The following KAZN variants were observed in gnomAD, a reference collection of about 807,000 sequenced individuals.
KAZN encodes kazrin, periplakin interacting protein.
Under a neutral mutation model 87.4 loss-of-function variants are expected in KAZN, and 40 were observed. That is an observed-to-expected ratio of 0.46 (90% CI 0.36 to 0.60). KAZN has a LOEUF of 0.60. Among genes scored for constraint, KAZN ranks in the 20% least tolerant of loss-of-function variants. The pLI is 0.00. For synonymous variants in KAZN, 466 were observed against 458.3 expected, an observed-to-expected ratio of 1.02 and a Z score of -0.22; for missense variants, 898 against 1,073.9, an observed-to-expected ratio of 0.84 and a Z score of 2.29.
chr1:14,165,461 C>T (rs569731572), intron 1 of KAZN, among the ~76,000 whole-genome samples: 88 of 152,248 alleles, frequency 5.8e-4, no homozygotes, highest in African/African-American at 2.0e-3. Flanking sequence ...AGCCTCCTGT[C>T]CGTGGCTCAC....
intron 1 of KAZN, among the ~76,000 whole-genome samples, chr1:13,962,228 A>G (rs1267099125): frequency 6.6e-6 from 1 of 152,120 alleles, no homozygotes; most frequent in Non-Finnish European, 1.5e-5. Flanking sequence ...GTGAGGAGGC[A>G]GATGTGGCTA....
At chr1:15,053,960 A>G (rs1043968893) in intron 4 of KAZN, among the ~76,000 whole-genome samples, 3 of 152,188 alleles carry the variant, frequency 2.0e-5, no homozygotes, top group African/African-American at 7.2e-5. Flanking sequence ...AGGAGCCCTG[A>G]AGATCACTTG....
At chr1:14,201,567 T>C (rs927163196) in intron 2 of KAZN, among the ~76,000 whole-genome samples, 5 of 152,222 alleles carry the variant, frequency 3.3e-5, no homozygotes, top group Non-Finnish European at 7.3e-5. Flanking sequence ...GTATGGACTC[T>C]GCAGACAAAG....
intron 1 of KAZN, among the ~76,000 whole-genome samples, chr1:14,048,471 T>A (rs1439237560): frequency 1.3e-5 from 2 of 151,968 alleles, no homozygotes; most frequent in Admixed American, 6.6e-5. Flanking sequence ...TGGAGCGATC[T>A]TGGCTCACTG....
intron 2 of KAZN, among the ~76,000 whole-genome samples, chr1:14,253,754 G>A (rs1367187081): frequency 2.6e-5 from 4 of 152,032 alleles, no homozygotes; most frequent in African/African-American, 9.7e-5. Flanking sequence ...AGACTGCTAA[G>A]AGAGAGCTCT....
chr1:14,518,108 C>T (rs770590848), intron 2 of KAZN, among the ~76,000 whole-genome samples: 25 of 150,474 alleles, frequency 1.7e-4, no homozygotes, highest in Admixed American at 2.7e-4. Flanking sequence ...TGGCCTTTCA[C>T]GTTAAATGGG....
At chr1:15,111,504 C>A (rs900442963) in intron 13 of KAZN, among the ~76,000 whole-genome samples, 11 of 152,156 alleles carry the variant, frequency 7.2e-5, no homozygotes, top group Non-Finnish European at 1.2e-4. Flanking sequence ...TCTCGAACTC[C>A]TGGCCTCAAG....
intron 14 of KAZN, chr1:15,113,192 TAAG>T (rs1173737527): frequency 6.6e-6 from 1 of 152,274 alleles, no homozygotes; most frequent in South Asian, 2.1e-4. Flanking sequence ...ACTTTACCCT[TAAG>T]AAGCTCCATT....
intron 1 of KAZN, among the ~76,000 whole-genome samples, chr1:14,819,453 T>C (rs1422876006): frequency 1.3e-5 from 2 of 152,140 alleles, no homozygotes; most frequent in African/African-American, 4.8e-5. Flanking sequence ...AGGACCGTTG[T>C]TCTTATGGGT....
intron 8 of KAZN, among the ~76,000 whole-genome samples, chr1:15,087,542 A>G (rs551680539): frequency 2.5e-4 from 38 of 152,044 alleles, no homozygotes; most frequent in African/African-American, 8.9e-4. Flanking sequence ...ACAGGCATGC[A>G]CCACCATGCC....
At chr1:14,401,367 A>G (rs975789745) in intron 2 of KAZN, among the ~76,000 whole-genome samples, 1 of 151,866 alleles carries the variant, frequency 6.6e-6, no homozygotes, top group Non-Finnish European at 1.5e-5. Flanking sequence ...AACTGCTGAT[A>G]TAAGGATTAT....
chr1:14,278,569 C>T (rs547116752), intron 2 of KAZN, among the ~76,000 whole-genome samples: 13 of 152,214 alleles, frequency 8.5e-5, no homozygotes, highest in Non-Finnish European at 1.5e-4. Flanking sequence ...GGATTACAGG[C>T]ATGAGCCACC....
intron 1 of KAZN, among the ~76,000 whole-genome samples, chr1:14,761,722 G>A (rs1297406149): frequency 6.6e-6 from 1 of 152,102 alleles, no homozygotes; most frequent in African/African-American, 2.4e-5. Flanking sequence ...AGGGGGATTT[G>A]CCTGAGCAAC....
intron 2 of KAZN, among the ~76,000 whole-genome samples, chr1:14,333,074 C>A (rs1054366358): frequency 2.6e-5 from 4 of 151,990 alleles, no homozygotes; most frequent in African/African-American, 9.7e-5. Flanking sequence ...GTGTGATGTT[C>A]CCCTCCCTGT....
chr1:14,394,401 TAGAA>T (rs1662716913), intron 2 of KAZN, among the ~76,000 whole-genome samples: 1 of 152,140 alleles, frequency 6.6e-6, no homozygotes, highest in Non-Finnish European at 1.5e-5. Flanking sequence ...GGGATGGGGG[TAGAA>T]AGAGTCACCT....
chr1:14,507,981 A>AAT, intron 2 of KAZN, among the ~76,000 whole-genome samples: 1 of 99,508 alleles, frequency 1.0e-5, no homozygotes, highest in Non-Finnish European at 2.2e-5. Context: ...AAATAAATAA[A>AAT]AAAAAAAAAA....
intron 1 of KAZN, among the ~76,000 whole-genome samples, chr1:14,019,273 C>T (rs1640714834): frequency 6.6e-6 from 1 of 152,104 alleles, no homozygotes; most frequent in Admixed American, 6.5e-5. Flanking sequence ...ATGAGAACCA[C>T]ACACTCAATT....
intron 1 of KAZN, among the ~76,000 whole-genome samples, chr1:14,915,599 CCT>C (rs1427891839): frequency 1.3e-5 from 2 of 152,202 alleles, no homozygotes; most frequent in Non-Finnish European, 1.5e-5. Context: ...CTGAGTCCCC[CCT>C]CTTTATGAAG....
intron 2 of KAZN, among the ~76,000 whole-genome samples, chr1:14,579,347 T>C (rs1317249): frequency 0.92 from 140,779 of 152,240 alleles, 66,105 homozygotes; most frequent in East Asian, 1. Flanking sequence ...CTGAGTAGTC[T>C]GGGCGTGGTG....
Sources: gnomAD v4.1 joint callset for allele counts (sites outside exome capture counted in the v4.1 genomes callset) on GRCh38, gnomAD v4.1.1 for gene constraint, MANE v1.5 for transcripts, NCBI Gene and HGNC (gene_info 2026-07-23, HGNC 2026-07-21) for gene names.